The following SNX24 variants were observed in gnomAD, a reference collection of about 807,000 sequenced individuals.
The protein encoded by SNX24 is sorting nexin 24.
In SNX24, 22 loss-of-function variants were observed where a neutral mutation model predicts 28.7. The observed-to-expected ratio is 0.77, with a 90% CI of 0.55 to 1.10. The LOEUF (loss-of-function observed/expected upper bound fraction) is 1.10, where lower values mean the gene tolerates loss of function less well. SNX24 is among the 50% of genes least tolerant of loss of function. The probability of loss-of-function intolerance (pLI) is 0.00; values close to 1 mark genes in which losing one functional copy is unlikely to be tolerated. For missense variants in SNX24, 221 were observed against 201.1 expected, an observed-to-expected ratio of 1.10 and a Z score of -0.60; for synonymous variants, 69 against 71.5, an observed-to-expected ratio of 0.96 and a Z score of 0.18.
At position 123,001,438 on chromosome 5, in the gene SNX24, G is replaced by A. The variant is rs764797216; in HGVS notation, c.377+1G>A. 3 of 1,600,468 alleles carry A rather than the reference G, an allele frequency of 1.9e-6. No homozygotes were observed. Among genetic ancestry groups the A allele is most frequent in the Middle Eastern group, 1.7e-4 (1 of 6,044 alleles). The stretch of plus-strand genomic sequence containing the variant: ...ATGAAACAGAGTCTGAAGAGTCAAG[G>A]TAAGGACTAATCCTCATCAGCCAGG... On this transcript the variant is annotated splice_donor_variant, in intron 5 of 6. Coordinates refer to ENST00000261369, the MANE Select transcript of SNX24 (RefSeq NM_014035.4). LOFTEE classifies it high-confidence loss of function.
intron 1 of SNX24, among the ~76,000 whole-genome samples, chr5:122,893,019 G>C (rs1366030658): frequency 6.6e-6 from 1 of 151,844 alleles, no homozygotes; most frequent in East Asian, 1.9e-4. Flanking sequence ...ACCCACCTCG[G>C]CCTCCCAAAG....
At chr5:123,004,350 A>C (rs1358628020) in intron 6 of SNX24, among the ~76,000 whole-genome samples, 1 of 152,180 alleles carries the variant, frequency 6.6e-6, no homozygotes, top group East Asian at 1.9e-4. Context: ...AGTGTGGCTG[A>C]AGCCCATGGA....
intron 5 of SNX24, among the ~76,000 whole-genome samples, chr5:123,027,067 G>A (rs1469892358): frequency 2.6e-5 from 4 of 152,018 alleles, no homozygotes; most frequent in South Asian, 2.1e-4. Flanking sequence ...GGTGGCGGGC[G>A]CCTGCAATCC....
intron 1 of SNX24, among the ~76,000 whole-genome samples, chr5:122,878,404 GC>G (rs1756327256): frequency 6.6e-6 from 1 of 152,174 alleles, no homozygotes; most frequent in African/African-American, 2.4e-5. Context: ...TGAGGACCCT[GC>G]CAGATGCTTT....
downstream of SNX24, among the ~76,000 whole-genome samples, chr5:123,011,420 A>G (rs1762576212): frequency 6.6e-6 from 1 of 152,176 alleles, no homozygotes. Flanking sequence ...ACAATCAGCC[A>G]TGTGAACAAC....
chr5:122,869,950 G>A (rs59410349), intron 1 of SNX24, among the ~76,000 whole-genome samples: 18,798 of 151,248 alleles, frequency 0.12, 1,471 homozygotes, highest in East Asian at 0.36. Flanking sequence ...TTGTTTGCAG[G>A]GTGATGCCAT....
intron 1 of SNX24, among the ~76,000 whole-genome samples, chr5:122,904,364 G>A (rs1009979140): frequency 2.0e-5 from 3 of 151,888 alleles, no homozygotes; most frequent in Non-Finnish European, 4.4e-5. Flanking sequence ...TGTATTTTTA[G>A]TAGAGACGGG....
chr5:123,029,207 T>G, intron 5 of SNX24: 1 of 1,595,430 alleles, frequency 6.3e-7, no homozygotes, highest in Non-Finnish European at 8.6e-7. Flanking sequence ...AAGGTTCATC[T>G]GACATACTAA....
intron 3 of SNX24, among the ~76,000 whole-genome samples, chr5:122,959,382 T>C (rs1449282472): frequency 6.7e-6 from 1 of 150,292 alleles, no homozygotes; most frequent in East Asian, 1.9e-4. Context: ...ATTTTATATA[T>C]ATATAATAAA....
intron 3 of SNX24, among the ~76,000 whole-genome samples, chr5:122,960,230 C>T (rs1323992833): frequency 6.6e-6 from 1 of 152,180 alleles, no homozygotes; most frequent in Non-Finnish European, 1.5e-5. Context: ...CATCTGCCTC[C>T]TGAGACAAAT....
chr5:123,016,257 G>T (rs1040990923), intron 5 of SNX24, among the ~76,000 whole-genome samples: 1 of 152,194 alleles, frequency 6.6e-6, no homozygotes, highest in Non-Finnish European at 1.5e-5. Context: ...ATTTGGGCAG[G>T]CAAGGGCCCT....
chr5:122,874,795 T>C (rs560128420), intron 1 of SNX24, among the ~76,000 whole-genome samples: 2 of 152,322 alleles, frequency 1.3e-5, no homozygotes, highest in East Asian at 3.9e-4. Flanking sequence ...GCTAACCATG[T>C]GTTGAATGGT....
chr5:122,996,135 A>G (rs1402675976), intron 3 of SNX24, among the ~76,000 whole-genome samples: 1 of 152,220 alleles, frequency 6.6e-6, no homozygotes, highest in African/African-American at 2.4e-5. Context: ...AGTAGCCTCA[A>G]TGCCAAACGT....
At chr5:122,877,373 C>T (rs1756272673) in intron 1 of SNX24, among the ~76,000 whole-genome samples, 1 of 152,134 alleles carries the variant, frequency 6.6e-6, no homozygotes, top group Admixed American at 6.5e-5. Flanking sequence ...ATTGAACTTA[C>T]CTTGGTATGC....
chr5:123,003,410 T>C (rs1762313830), intron 6 of SNX24, among the ~76,000 whole-genome samples: 1 of 152,250 alleles, frequency 6.6e-6, no homozygotes, highest in African/African-American at 2.4e-5. Flanking sequence ...TAAAATATCA[T>C]ATTTAACAAA....
intron 1 of SNX24, among the ~76,000 whole-genome samples, chr5:122,853,437 T>A (rs1755031208): frequency 6.6e-6 from 1 of 152,172 alleles, no homozygotes; most frequent in African/African-American, 2.4e-5. Context: ...GTATGTTCCT[T>A]ACCCTTAAGG....
At chr5:122,931,875 T>C (rs756606293) in intron 1 of SNX24, among the ~76,000 whole-genome samples, 2 of 151,984 alleles carry the variant, frequency 1.3e-5, no homozygotes, top group Non-Finnish European at 2.9e-5. Flanking sequence ...GATCACTTTG[T>C]AACGTATGAG....
chr5:122,890,536 C>G (rs985480829), intron 1 of SNX24, among the ~76,000 whole-genome samples: 37 of 146,244 alleles, frequency 2.5e-4, no homozygotes, highest in Non-Finnish European at 4.4e-5. Context: ...GTGGTGCTAT[C>G]TCAGCTCACT....
intron 1 of SNX24, among the ~76,000 whole-genome samples, chr5:122,884,755 TG>T (rs1241640455): frequency 1.3e-5 from 2 of 151,500 alleles, no homozygotes; most frequent in Non-Finnish European, 2.9e-5. Context: ...TGTCGAGGAG[TG>T]GGGGTGCTCT....
Sources: gnomAD v4.1 joint callset for allele counts (sites outside exome capture counted in the v4.1 genomes callset) on GRCh38, gnomAD v4.1.1 for gene constraint, MANE v1.5 for transcripts, NCBI Gene and HGNC (gene_info 2026-07-23, HGNC 2026-07-21) for gene names.